C17orf99: variants seen among roughly 807,000 people sequenced by gnomAD.
C17orf99 encodes chromosome 17 open reading frame 99.
C17orf99 carries 18 observed loss-of-function variants against 22.6 expected under a neutral mutation model. That is an observed-to-expected ratio of 0.80 (90% confidence interval 0.55 to 1.18). The LOEUF is 1.18. C17orf99 is among the 50% of genes most tolerant of loss of function. C17orf99 has a pLI of 0.00. For synonymous variants in C17orf99, 147 were observed against 136.6 expected (o/e 1.08, Z -0.53); for missense variants, 328 against 342.7 (o/e 0.96, Z 0.34).
chr17:78,164,481 A>G, intron 4 of C17orf99, 117 bp downstream of exon 4: 1 of 1,543,814 alleles, frequency 6.5e-7, no homozygotes, highest in Non-Finnish European at 8.7e-7. Flanking sequence ...CACTGCTGAG[A>G]GCAGAGAGGG....
At position 78,164,790 on chromosome 17, in the gene C17orf99, C is replaced by CGGCCAT. The variant is rs559198655; in HGVS notation, c.640+427_640+432dup. The CGGCCAT allele has an allele frequency of 6.6e-5, 83 of 1,258,462 alleles. No homozygotes were observed. In the African/African-American group the frequency reaches 1.2e-3, roughly 18 times the overall value. The allele number at this position is 1,258,462 out of a possible 1,614,324, so 78.0% of individuals were successfully genotyped here. ...GCAGGGCTGTGGCCAGGGCAAAGAG[C>CGGCCAT]GGCCATCACCGCTTACGCATGACTC... On this transcript the variant is annotated intron_variant, in intron 4 of 4. Coordinates refer to ENST00000340363, the MANE Select transcript of C17orf99 (RefSeq NM_001163075.2).
upstream of C17orf99, among the ~76,000 whole-genome samples, chr17:78,145,956 C>T (rs1488728205): frequency 3.3e-5 from 5 of 152,074 alleles, no homozygotes; most frequent in East Asian, 7.7e-4. Flanking sequence ...CCACCACGCC[C>T]GGCTGATTTT....
In C17orf99 at chr17:78,161,060, C is replaced by T; in HGVS notation, c.176C>T (p.Thr59Ile). The T allele has an allele frequency of 6.4e-7, 1 of 1,551,762 alleles. No individual in the cohort carries two copies. Among genetic ancestry groups the T allele is most frequent in the Non-Finnish European group, 8.7e-7 (1 of 1,146,988 alleles). The change falls in exon 3 of 5, where the codon ACC (threonine) becomes ATC (isoleucine). Residue 59 changes from threonine (T) to isoleucine (I), a missense_variant. By Grantham distance (89) the Thr-to-Ile change is moderately conservative. Transcript: ENST00000340363. ...CCAPQPPPPITYSLCGTKNIK... is the reference protein window; with the variant it reads ...CCAPQPPPPIIYSLCGTKNIK... ...GCACCCCAGCCACCACCGCCCATCA[C>T]CTATTCCCTCTGTGGAACCAAGAAC...
intron 2 of C17orf99, among the ~76,000 whole-genome samples, chr17:78,155,564 G>A (rs1010417521): frequency 4.6e-5 from 7 of 151,872 alleles, no homozygotes; most frequent in African/African-American, 9.7e-5. Context: ...CAATCCTCCC[G>A]CCTTGGCCTC....
chr17:78,165,946 T>C lies in C17orf99; in HGVS notation c.698T>C (p.Leu233Ser), dbSNP rs1171864130. 2.0e-6 allele frequency: 3 copies of C among 1,485,454 alleles called. No individual in the cohort carries two copies. Among genetic ancestry groups the C allele is most frequent in the South Asian group, 1.4e-5 (1 of 73,386 alleles). 92.0% of individuals were successfully genotyped at this position (1,485,454 alleles called of 1,614,324 possible). Residue 233 changes from leucine to serine, a missense_variant, in exon 5 of 5, where the codon TTG becomes TCG. Coordinates refer to ENST00000340363, the MANE Select transcript of C17orf99 (RefSeq NM_001163075.2). Reference sequence around the variant, plus strand: ...CCCCTGGAGAGCCCCATCCTTGCCTTGCCGCTCTACAGGAGCACCCGCCGT... The same window carrying C: ...CCCCTGGAGAGCCCCATCCTTGCCTCGCCGCTCTACAGGAGCACCCGCCGT... ...QGPLESPILA[L>S]PLYRSTRRLS...
At chr17:78,156,424 C>T (rs900539288) in intron 2 of C17orf99, among the ~76,000 whole-genome samples, 2 of 151,436 alleles carry the variant, frequency 1.3e-5, no homozygotes, top group African/African-American at 4.9e-5. Flanking sequence ...AAATTGACTC[C>T]AGGATTTGCT....
intron 2 of C17orf99, among the ~76,000 whole-genome samples, chr17:78,152,544 C>A (rs4329971): frequency 1 from 152,078 of 152,080 alleles, 76,038 homozygotes; most frequent in Middle Eastern, 1. Context: ...CATGTTGGCC[C>A]GGCTGGTCTC....
intron 4 of C17orf99, 112 bp from the exon 5 acceptor site, chr17:78,165,777 G>A: frequency 8.0e-7 from 1 of 1,255,872 alleles, no homozygotes; most frequent in Non-Finnish European, 1.0e-6. Context: ...ACTCCAGCCT[G>A]GACAAAAAGA....
chr17:78,157,810 A>G, intron 2 of C17orf99: 2 of 746,998 alleles, frequency 2.7e-6, no homozygotes, highest in Non-Finnish European at 2.0e-6. Flanking sequence ...AAAAAAAAAA[A>G]AAAAAAAAAA....
In C17orf99 at chr17:78,146,473, G is replaced by C; in HGVS notation, c.37+29G>C. 1 of 1,547,078 alleles carries C rather than the reference G, an allele frequency of 6.5e-7. No individual in the cohort carries two copies. The highest frequency in any genetic ancestry group is 8.7e-7 in the Non-Finnish European group (1 of 1,145,210). On this transcript the variant is annotated intron_variant, in intron 1 of 4. Transcript: ENST00000340363. The surrounding 1 kb of genome is among the most constrained non-coding windows in gnomAD (Gnocchi z 5.2). ...AGTCCACCAGGGACGTGATGGTGGGGCTGCTGCTGGGGCCTTGAGGTCTTG... is the reference window on the plus strand; with the variant it reads ...AGTCCACCAGGGACGTGATGGTGGGCCTGCTGCTGGGGCCTTGAGGTCTTG...
chr17:78,164,424 A>G (rs1290847550), intron 4 of C17orf99, 60 bp downstream of exon 4: 3 of 1,550,524 alleles, frequency 1.9e-6, no homozygotes, highest in African/African-American at 1.4e-5. Context: ...GGAGGGTGCT[A>G]GTGTCCAAGA....
chr17:78,158,061 T>C (rs2075542311), intron 2 of C17orf99: 9 of 1,278,388 alleles, frequency 7.0e-6, no homozygotes, highest in South Asian at 4.7e-5. Flanking sequence ...CAGGACAGCA[T>C]GGAGGTGCGA....
At chr17:78,149,587 G>A (rs2075463162) in intron 2 of C17orf99, among the ~76,000 whole-genome samples, 1 of 152,136 alleles carries the variant, frequency 6.6e-6, no homozygotes, top group Admixed American at 6.6e-5. Context: ...AGGCTAAAGT[G>A]CAGTGGCACA....
intron 2 of C17orf99, 127 bp downstream of exon 2, chr17:78,147,038 C>A: frequency 3.8e-6 from 3 of 783,450 alleles, no homozygotes; most frequent in Non-Finnish European, 6.5e-6. Context: ...TGGAGGATGG[C>A]TGGACAGTTC....
intron 2 of C17orf99, among the ~76,000 whole-genome samples, chr17:78,151,569 G>A (rs748266219): frequency 3.9e-5 from 6 of 152,022 alleles, no homozygotes; most frequent in Admixed American, 6.6e-5. Context: ...AAGGCCCCGC[G>A]GGAGCACCTG....
intron 2 of C17orf99, among the ~76,000 whole-genome samples, chr17:78,148,516 A>G (rs554882382): frequency 6.6e-6 from 1 of 152,202 alleles, no homozygotes; most frequent in East Asian, 1.9e-4. Context: ...GGCAGAGCAA[A>G]AAAAGCACAT....
intron 2 of C17orf99, among the ~76,000 whole-genome samples, chr17:78,149,869 C>T (rs1184063802): frequency 1.3e-5 from 2 of 151,998 alleles, no homozygotes; most frequent in Non-Finnish European, 2.9e-5. Context: ...GCCACCACGC[C>T]CAGCTAATTT....
chr17:78,160,719 G>T lies in C17orf99; in HGVS notation c.71-236G>T, dbSNP rs907108116. On this transcript the variant is annotated intron_variant, in intron 2 of 4. Transcript: ENST00000340363. The stretch of plus-strand genomic sequence containing the variant: ...CTGCCTTAGCTTCCCGAGTAGCAGG[G>T]ATTACAGGTGGGCACCACCACGCCC... The T allele has an allele frequency of 9.3e-6, 5 of 538,918 alleles. No homozygotes were observed. In the Admixed American group the frequency reaches 1.6e-4, roughly 17 times the overall value. The allele number at this position is 538,918 out of a possible 1,614,324, so 33.4% of individuals were successfully genotyped here.
chr17:78,165,754 A>T, intron 4 of C17orf99, 135 bp from the exon 5 acceptor site: 3 of 1,212,596 alleles, frequency 2.5e-6, no homozygotes, highest in Non-Finnish European at 3.1e-6. Flanking sequence ...GTGAGCCGAG[A>T]TCGTGCCATT....
Sources: allele counts gnomAD v4.1 joint callset (sites outside exome capture counted in the v4.1 genomes callset), GRCh38; gene constraint gnomAD v4.1.1; non-coding constraint Gnocchi (gnomAD v3.1); transcripts MANE v1.5; gene names NCBI Gene and HGNC (gene_info 2026-07-23, HGNC 2026-07-21).